Variants in TMEM106A observed in about 807,000 individuals in gnomAD.
TMEM106A encodes transmembrane protein 106A.
Under a neutral mutation model 25.1 loss-of-function variants are expected in TMEM106A, and 22 were observed. That is an observed-to-expected ratio of 0.88 (90% confidence interval 0.63 to 1.25). TMEM106A has a LOEUF of 1.25. TMEM106A is among the 50% of genes most tolerant of loss of function. TMEM106A has a pLI of 0.00. For missense variants in TMEM106A, 275 were observed against 318.1 expected (o/e 0.86, Z 1.03); for synonymous variants, 104 against 129.9 (o/e 0.80, Z 1.35).
Position 43,213,031 on chromosome 17 carries a change from G to T in TMEM106A, c.-11G>T. The T allele has an allele frequency of 6.2e-7, 1 of 1,613,932 alleles. No homozygotes were observed. Among genetic ancestry groups the T allele is most frequent in the African/African-American group, 1.3e-5 (1 of 75,024 alleles). ...GTCTTTTCTCATTAGTGAAACCCCC[G>T]CCCCTGAAGAATGGGTAAGACGTTT... On this transcript the variant is annotated 5_prime_UTR_variant, in exon 3 of 9. Coordinates refer to ENST00000612339, the MANE Select transcript of TMEM106A (RefSeq NM_145041.4).
intron 7 of TMEM106A, chr17:43,216,966 T>C: frequency 1.6e-6 from 1 of 640,142 alleles, no homozygotes; most frequent in South Asian, 1.9e-5. Context: ...CTTTACAATA[T>C]GTGACCTTGG....
In TMEM106A at chr17:43,217,759, A is replaced by G; in HGVS notation, c.747A>G (p.Gly249=). The G allele has an allele frequency of 6.2e-7, 1 of 1,614,094 alleles. No homozygotes were observed. Among genetic ancestry groups the G allele is most frequent in the African/African-American group, 1.3e-5 (1 of 75,018 alleles). The change falls in exon 9 of 9, where the codon GGA becomes GGG. Residue 249 remains glycine (G), a synonymous_variant. Transcript: ENST00000612339. ...FQSYEYVDCR[G]NASVPHQLTP... Reference sequence around the variant, plus strand: ...GCTATGAATATGTGGACTGCCGAGGAAACGCATCTGTGCCCCACCAGCTGA... The same window carrying G: ...GCTATGAATATGTGGACTGCCGAGGGAACGCATCTGTGCCCCACCAGCTGA...
Position 43,217,254 on chromosome 17 carries a change from C to T in TMEM106A, c.615-5C>T, listed in dbSNP as rs374993878. 1.9e-6 allele frequency: 3 copies of T among 1,614,076 alleles called. No homozygotes were observed. Among genetic ancestry groups the T allele is most frequent in the African/African-American group, 2.7e-5 (2 of 74,948 alleles). On this transcript the variant is annotated splice_polypyrimidine_tract_variant and splice_region_variant and intron_variant, in intron 7 of 8. Transcript: ENST00000612339. ...GGTCCCACGTTCTCTTTTCTTCTCT[C>T]TCAGCAAAATCTGTACCTGGCTGGA...
intron 2 of TMEM106A, 105 bp from the exon 3 acceptor site, chr17:43,212,916 A>C (rs2057447847): frequency 1.2e-6 from 1 of 812,942 alleles, no homozygotes; most frequent in Admixed American, 2.4e-5. Context: ...GAGCTTGCTT[A>C]AACTGTGGTG....
Position 43,217,892 on chromosome 17 carries a change from TTGCCAAAGGAGAAGCCC to T in TMEM106A, c.*96_*112del. The T allele has an allele frequency of 6.3e-7, 1 of 1,576,212 alleles. No individual in the cohort carries two copies. ...TGACTAAGGAAGGACTACAGAGGCT[TTGCCAAAGGAGAAGCCC>T]TGCCTCATCACACCCTTACCTCCCA... is the stretch of plus-strand genomic sequence containing the variant. On this transcript the variant is annotated 3_prime_UTR_variant, in exon 9 of 9. Transcript: ENST00000612339.
chr17:43,216,538 G>T lies in TMEM106A; in HGVS notation c.519G>T (p.Gly173=), dbSNP rs1344968247. ...TTCTGCACCTGTCCCTCGTGGTGGG[G>T]CAGGTTTCCAACAACCTTCTCCTAC... ...LEVLHLSLVV[G]QVSNNLLLHI... Residue 173 remains glycine (G), a synonymous_variant, in exon 6 of 9, where the codon GGG becomes GGT. Transcript: ENST00000612339. 1 of 1,614,230 alleles carries T rather than the reference G, an allele frequency of 6.2e-7. No individual in the cohort carries two copies. The highest frequency in any genetic ancestry group is 8.5e-7 in the Non-Finnish European group (1 of 1,180,046).
intron 2 of TMEM106A, among the ~76,000 whole-genome samples, chr17:43,212,652 C>T (rs988079327): frequency 2.6e-5 from 4 of 152,218 alleles, no homozygotes; most frequent in Non-Finnish European, 5.9e-5. Context: ...TTCAAAGAAT[C>T]TCTTTTCTGC....
chr17:43,216,542 G>A lies in TMEM106A; in HGVS notation c.523G>A (p.Val175Ile), dbSNP rs757714040. Residue 175 changes from valine (V) to isoleucine (I), a missense_variant, in exon 6 of 9, where the codon GTT becomes ATT. By Grantham distance (29) the Val-to-Ile change is conservative (BLOSUM62 3). Coordinates refer to ENST00000612339, the MANE Select transcript of TMEM106A (RefSeq NM_145041.4). ...VLHLSLVVGQ[V>I]SNNLLLHIGP... ...GCACCTGTCCCTCGTGGTGGGGCAGGTTTCCAACAACCTTCTCCTACACAT... is the reference window on the plus strand; with the variant it reads ...GCACCTGTCCCTCGTGGTGGGGCAGATTTCCAACAACCTTCTCCTACACAT... 37 of 1,614,098 alleles carry A rather than the reference G, an allele frequency of 2.3e-5. No individual in the cohort carries two copies. The highest frequency in any genetic ancestry group is 3.1e-5 in the Non-Finnish European group (36 of 1,180,046).
At position 43,216,474 on chromosome 17, in the gene TMEM106A, A is replaced by C. The variant is rs762703233; in HGVS notation, c.455A>C (p.Asn152Thr). 3 of 1,614,046 alleles carry C rather than the reference A, an allele frequency of 1.9e-6. No individual in the cohort carries two copies. The highest frequency in any genetic ancestry group is 2.5e-6 in the Non-Finnish European group (3 of 1,180,016). Reference protein sequence around the residue: ...ITNILNISNGNYYPIMVTQLT... With the variant: ...ITNILNISNGTYYPIMVTQLT... ...AATATCTTAAACATCTCCAATGGCA[A>C]CTACTACCCCATTATGGTGACACAG... is the stretch of plus-strand genomic sequence containing the variant. Residue 152 changes from asparagine (N) to threonine (T), a missense_variant, in exon 6 of 9, where the codon AAC becomes ACC. By Grantham distance (65) the Asn-to-Thr change is moderately conservative. Transcript: ENST00000612339.
Position 43,216,503 on chromosome 17 carries a change from A to G in TMEM106A, c.484A>G (p.Thr162Ala), listed in dbSNP as rs2057487364. The G allele has an allele frequency of 1.2e-6, 2 of 1,614,060 alleles. No homozygotes were observed. Among genetic ancestry groups the G allele is most frequent in the Non-Finnish European group, 1.7e-6 (2 of 1,179,998 alleles). Residue 162 changes from threonine to alanine, a missense_variant, in exon 6 of 9, where the codon ACC (threonine) becomes GCC (alanine). Thr to Ala is a moderately conservative substitution (Grantham distance 58, BLOSUM62 0). Coordinates refer to ENST00000612339, the MANE Select transcript of TMEM106A (RefSeq NM_145041.4). ...NYYPIMVTQL[T>A]LEVLHLSLVV... Reference sequence around the variant, plus strand: ...CTACCCCATTATGGTGACACAGCTGACCCTCGAGGTTCTGCACCTGTCCCT... The same window carrying G: ...CTACCCCATTATGGTGACACAGCTGGCCCTCGAGGTTCTGCACCTGTCCCT...
Position 43,217,944 on chromosome 17 carries a change from C to A in TMEM106A, c.*143C>A. Reference sequence around the variant, plus strand: ...ACACCCTTACCTCCCACCCCCTCAGCACAGGAAGCTTGCTTTGAAGTTAAC... The same window carrying A: ...ACACCCTTACCTCCCACCCCCTCAGAACAGGAAGCTTGCTTTGAAGTTAAC... On this transcript the variant is annotated 3_prime_UTR_variant, in exon 9 of 9. Coordinates refer to ENST00000612339, the MANE Select transcript of TMEM106A (RefSeq NM_145041.4). 1 of 1,235,054 alleles carries A rather than the reference C, an allele frequency of 8.1e-7. No individual in the cohort carries two copies. Among genetic ancestry groups the A allele is most frequent in the Non-Finnish European group, 1.1e-6 (1 of 882,754 alleles). The allele number at this position is 1,235,054 out of a possible 1,614,324, so 76.5% of individuals were successfully genotyped here.
intron 7 of TMEM106A, 55 bp from the exon 8 acceptor site, chr17:43,217,204 T>C: frequency 6.3e-7 from 1 of 1,585,862 alleles, no homozygotes; most frequent in Non-Finnish European, 8.7e-7. Context: ...TCTTCTGAGC[T>C]GACAGGCTGC....
rs780244034 is a variant in TMEM106A at position 43,216,581 on chromosome 17, A to C, written c.562A>C (p.Ser188Arg). The C allele has an allele frequency of 6.2e-7, 1 of 1,614,226 alleles. No homozygotes were observed. The highest frequency in any genetic ancestry group is 8.5e-7 in the Non-Finnish European group (1 of 1,180,034). ...NLLLHIGPLA[S>R]EQMFYAVATK... ...TCTCCTACACATTGGCCCTTTGGCC[A>C]GTGAACAGGTGACTCCCCTCTCCCT... Residue 188 changes from serine to arginine, a missense_variant, in exon 6 of 9, where the codon AGT becomes CGT. Transcript: ENST00000612339.
chr17:43,217,197 T>C, intron 7 of TMEM106A, 62 bp from the exon 8 acceptor site: 6 of 1,568,878 alleles, frequency 3.8e-6, no homozygotes, highest in Middle Eastern at 3.7e-4. Flanking sequence ...GCAGGCATCT[T>C]CTGAGCTGAC....
At chr17:43,215,689 A>G in intron 4 of TMEM106A, 99 bp from the exon 5 acceptor site, 2 of 1,339,072 alleles carry the variant, frequency 1.5e-6, no homozygotes, top group East Asian at 4.6e-5. Flanking sequence ...GTGCAGGGGA[A>G]AGCTTTGTAT....
chr17:43,213,883 C>T lies in TMEM106A; in HGVS notation c.267C>T (p.Pro89=), dbSNP rs775833282. ...LIPYGDQRLK[P]KHTKLFVFLA... ...CCTATGGGGACCAGAGGCTGAAGCC[C>T]AAGCACACGTAAGCCCCCCTTCCTC... The change falls in exon 4 of 9, where the codon CCC becomes CCT. Residue 89 remains proline (P), a synonymous_variant. Transcript: ENST00000612339. The T allele has an allele frequency of 3.7e-6, 6 of 1,614,040 alleles. No individual in the cohort carries two copies. In the South Asian group the frequency reaches 6.6e-5, roughly 18 times the overall value.
intron 5 of TMEM106A, 78 bp downstream of exon 5, chr17:43,216,019 G>A: frequency 6.4e-7 from 1 of 1,565,120 alleles, no homozygotes. Flanking sequence ...TTATGACCCT[G>A]GGCATGGGAA....
At chr17:43,213,331 A>C in intron 3 of TMEM106A, 79 bp downstream of exon 3, 1 of 1,482,950 alleles carries the variant, frequency 6.7e-7, no homozygotes, top group South Asian at 1.2e-5. Context: ...AGCCCCTCTG[A>C]GTCTCCTTGG....
At chr17:43,216,030 G>T in intron 5 of TMEM106A, 89 bp downstream of exon 5, 1 of 1,531,810 alleles carries the variant, frequency 6.5e-7, no homozygotes, top group Non-Finnish European at 8.9e-7. Flanking sequence ...GGCATGGGAA[G>T]CCAGAGATCT....
Sources: allele counts gnomAD v4.1 joint callset (sites outside exome capture counted in the v4.1 genomes callset), GRCh38; gene constraint gnomAD v4.1.1; transcripts MANE v1.5; gene names NCBI Gene and HGNC (gene_info 2026-07-23, HGNC 2026-07-21).